Variants in PDZRN3 observed in about 807,000 individuals in gnomAD.
PDZRN3 encodes PDZ domain containing ring finger 3, also known as E3 ubiquitin-protein ligase PDZRN3.
PDZRN3 carries 38 observed loss-of-function variants against 85.7 expected under a neutral mutation model. That is an observed-to-expected ratio of 0.44 (90% CI 0.34 to 0.58). The LOEUF (loss-of-function observed/expected upper bound fraction) is 0.58. Among genes scored for constraint, PDZRN3 ranks in the 20% least tolerant of loss-of-function variants. PDZRN3 has a pLI of 0.01. For missense variants in PDZRN3, 1,629 were observed against 1,506.4 expected (o/e 1.08, Z -1.35); for synonymous variants, 759 against 638.0 (o/e 1.19, Z -2.86).
At chr3:73,530,768 A>G (rs1212746911) in intron 3 of PDZRN3, among the ~76,000 whole-genome samples, 3 of 152,186 alleles carry the variant, frequency 2.0e-5, no homozygotes, top group Non-Finnish European at 4.4e-5. Context: ...TAATCAATCA[A>G]AACTTTGAAT....
At chr3:73,404,444 CG>C in intron 3 of PDZRN3, 49 bp from the exon 4 acceptor site, 1 of 1,561,982 alleles carries the variant, frequency 6.4e-7, no homozygotes, top group Admixed American at 1.9e-5. Context: ...AAGCAGAAAA[CG>C]GAAGGACAAA....
chr3:73,518,694 G>C (rs114194024), intron 3 of PDZRN3, among the ~76,000 whole-genome samples: 1 of 152,098 alleles, frequency 6.6e-6, no homozygotes, highest in Non-Finnish European at 1.5e-5. Flanking sequence ...GGAAGATTTA[G>C]TGTCTAGTGA....
At chr3:73,426,461 T>C (rs955981431) in intron 3 of PDZRN3, among the ~76,000 whole-genome samples, 2 of 152,234 alleles carry the variant, frequency 1.3e-5, no homozygotes, top group Non-Finnish European at 2.9e-5. Flanking sequence ...TTCAATTTTC[T>C]ACTTGTAAAC....
At chr3:73,545,958 G>A (rs1701414351) in intron 3 of PDZRN3, among the ~76,000 whole-genome samples, 1 of 152,056 alleles carries the variant, frequency 6.6e-6, no homozygotes, top group African/African-American at 2.4e-5. Flanking sequence ...GTCACCATCC[G>A]GCTCTGCCAC....
At chr3:73,500,033 G>A (rs1703946670) in intron 3 of PDZRN3, among the ~76,000 whole-genome samples, 1 of 152,078 alleles carries the variant, frequency 6.6e-6, no homozygotes, top group African/African-American at 2.4e-5. Flanking sequence ...CACAGGAATG[G>A]GGGTTACAAA....
intron 2 of PDZRN3, among the ~76,000 whole-genome samples, chr3:73,606,115 CA>C (rs946385303): frequency 1.4e-4 from 22 of 152,184 alleles, no homozygotes; most frequent in African/African-American, 5.3e-4. Context: ...GAGCAATTTC[CA>C]ACAGTAGGCT....
chr3:73,496,209 A>T (rs1485018820), intron 3 of PDZRN3, among the ~76,000 whole-genome samples: 1 of 152,234 alleles, frequency 6.6e-6, no homozygotes, highest in Non-Finnish European at 1.5e-5. Context: ...CCCTGTACCC[A>T]TCATTTAACT....
At chr3:73,552,289 G>A (rs1222212460) in intron 3 of PDZRN3, among the ~76,000 whole-genome samples, 2 of 151,602 alleles carry the variant, frequency 1.3e-5, no homozygotes, top group Non-Finnish European at 2.9e-5. Flanking sequence ...GTCCCTGGGA[G>A]ATAGCATTAT....
At chr3:73,572,110 A>G (rs2106852773) in intron 3 of PDZRN3, among the ~76,000 whole-genome samples, 1 of 152,330 alleles carries the variant, frequency 6.6e-6, no homozygotes, top group South Asian at 2.1e-4. Context: ...GCTGGAGTGA[A>G]TAGGTGGAAT....
intron 5 of PDZRN3, among the ~76,000 whole-genome samples, chr3:73,399,008 G>C (rs1389409160): frequency 2.0e-5 from 3 of 152,330 alleles, no homozygotes; most frequent in Non-Finnish European, 4.4e-5. Context: ...AAATTGGGCA[G>C]ATACTGTGGG....
At chr3:73,516,875 T>C (rs1476165007) in intron 3 of PDZRN3, among the ~76,000 whole-genome samples, 2 of 152,324 alleles carry the variant, frequency 1.3e-5, no homozygotes, top group African/African-American at 2.4e-5. Flanking sequence ...GCTGTGCTCA[T>C]GTGCCTATGG....
chr3:73,607,471 A>C (rs930043940), intron 2 of PDZRN3, among the ~76,000 whole-genome samples: 1 of 152,154 alleles, frequency 6.6e-6, no homozygotes, highest in Admixed American at 6.6e-5. Context: ...CACAGAGTAC[A>C]TCAATGAGAG....
chr3:73,603,325 C>T (rs977527316), intron 2 of PDZRN3, among the ~76,000 whole-genome samples: 9 of 152,180 alleles, frequency 5.9e-5, no homozygotes, highest in African/African-American at 2.2e-4. Context: ...TTTCTGGGAA[C>T]GAAGACAGCT....
chr3:73,614,126 A>AC (rs1702726599), intron 1 of PDZRN3, among the ~76,000 whole-genome samples: 2 of 152,350 alleles, frequency 1.3e-5, no homozygotes, highest in Admixed American at 6.5e-5. Context: ...TGTTAAAATT[A>AC]CCCCAAATAA....
chr3:73,502,709 C>T (rs1704003805), intron 3 of PDZRN3, among the ~76,000 whole-genome samples: 1 of 152,178 alleles, frequency 6.6e-6, no homozygotes, highest in South Asian at 2.1e-4. Flanking sequence ...GCAGCTCGGT[C>T]AAGGATGTTA....
At chr3:73,585,538 G>C (rs149786508) in intron 3 of PDZRN3, among the ~76,000 whole-genome samples, 1 of 152,156 alleles carries the variant, frequency 6.6e-6, no homozygotes, top group African/African-American at 2.4e-5. Flanking sequence ...GCCCTCATTT[G>C]CATCCACCCC....
chr3:73,562,404 G>C (rs1461546977), intron 3 of PDZRN3, among the ~76,000 whole-genome samples: 1 of 152,132 alleles, frequency 6.6e-6, no homozygotes, highest in Non-Finnish European at 1.5e-5. Flanking sequence ...CCTGGCATTA[G>C]GAGGTGTTTC....
intron 3 of PDZRN3, among the ~76,000 whole-genome samples, chr3:73,476,907 G>A (rs555129937): frequency 3.9e-5 from 6 of 152,298 alleles, no homozygotes; most frequent in East Asian, 3.9e-4. Flanking sequence ...ACCCAGCTAA[G>A]TGTCTTCCAG....
rs569502125 is a variant in PDZRN3 at position 73,455,167 on chromosome 3, G to A, written c.919-50772C>T. On this transcript the variant is annotated intron_variant, in intron 3 of 9. Coordinates refer to ENST00000263666, the MANE Select transcript of PDZRN3 (RefSeq NM_015009.3). ...AGAATCACCATGAGTAATGACCAGA[G>A]TATTTTCAGATCAACATCATCATCA... Among the ~76,000 whole-genome samples, 6 of 152,222 alleles carry A rather than the reference G, an allele frequency of 3.9e-5. No individual in the cohort carries two copies. In the South Asian group the frequency reaches 8.3e-4, roughly 21 times the overall value.
Sources: gnomAD v4.1 joint callset for allele counts (sites outside exome capture counted in the v4.1 genomes callset) on GRCh38, gnomAD v4.1.1 for gene constraint, MANE v1.5 for transcripts, NCBI Gene and HGNC (gene_info 2026-07-23, HGNC 2026-07-21) for gene names.